SSPN: variants seen among roughly 807,000 people sequenced by gnomAD.
The protein encoded by SSPN is sarcospan, also known as K-ras oncogene-associated protein.
Under a neutral mutation model 19.1 loss-of-function variants are expected in SSPN, and 15 were observed. The ratio of observed to expected loss-of-function variants is 0.78; its 90% confidence interval spans 0.52 to 1.21. The LOEUF is 1.21. SSPN is among the 50% of genes most tolerant of loss of function. The pLI, the probability that SSPN is intolerant of heterozygous loss-of-function variation, is 0.00. For synonymous variants in SSPN, 147 were observed against 140.3 expected (o/e 1.05, Z -0.34); for missense variants, 291 against 314.0 (o/e 0.93, Z 0.55).
chr12:26,195,641 G>GCTGCCCC lies in SSPN; in HGVS notation c.-31_-30insTGCCCCC. 4 of 1,105,372 alleles carry GCTGCCCC rather than the reference G, an allele frequency of 3.6e-6. No individual in the cohort carries two copies. Among genetic ancestry groups the GCTGCCCC allele is most frequent in the Non-Finnish European group, 3.4e-6 (3 of 878,092 alleles). The allele number at this position is 1,105,372 out of a possible 1,614,324, so 68.5% of individuals were successfully genotyped here. A position where few individuals can be genotyped will look rare whatever the true frequency, so the allele number is the denominator to read the frequency against. On this transcript the variant is annotated 5_prime_UTR_variant, in exon 1 of 3. Transcript: ENST00000242729. Reference sequence around the variant, plus strand: ...CTCCAGGGCCCAGGGCGCCGCACACGCACCCACCCACCCACCCAGCCTCGC... The same window carrying GCTGCCCC: ...CTCCAGGGCCCAGGGCGCCGCACACGCTGCCCCCACCCACCCACCCACCCAGCCTCGC...
At chr12:26,123,879 CA>C (rs1480336963) in intron 1 of SSPN, 1 of 775,300 alleles carries the variant, frequency 1.3e-6, no homozygotes, top group Non-Finnish European at 2.3e-6. Context: ...GAGCTTTCCA[CA>C]AGACAGGTTA....
intron 1 of SSPN, among the ~76,000 whole-genome samples, chr12:26,140,320 A>T (rs1212561346): frequency 1.3e-5 from 2 of 152,162 alleles, no homozygotes; most frequent in African/African-American, 4.8e-5. Flanking sequence ...GATTTTAAGG[A>T]TCATCCTTTG....
At chr12:26,220,195 A>T (rs1565692507) in intron 1 of SSPN, among the ~76,000 whole-genome samples, 1 of 151,182 alleles carries the variant, frequency 6.6e-6, no homozygotes, top group Non-Finnish European at 1.5e-5. Flanking sequence ...TACACTGAAC[A>T]TCAATAAACT....
intron 1 of SSPN, among the ~76,000 whole-genome samples, chr12:26,156,960 G>C (rs1944559442): frequency 6.6e-6 from 1 of 152,206 alleles, no homozygotes; most frequent in South Asian, 2.1e-4. Flanking sequence ...GTGGAACACT[G>C]TACCATTTTC....
intron 1 of SSPN, chr12:26,122,171 G>GT (rs1944312340): frequency 6.6e-7 from 1 of 1,508,296 alleles, no homozygotes; most frequent in Non-Finnish European, 8.9e-7. Context: ...GGCCGTGCGG[G>GT]TGCTGGGGGT....
chr12:26,193,641 GT>G (rs1176344407), upstream of SSPN, among the ~76,000 whole-genome samples: 1 of 152,174 alleles, frequency 6.6e-6, no homozygotes, highest in East Asian at 1.9e-4. Flanking sequence ...TATAACGCCA[GT>G]TTTTATTTGT....
intron 1 of SSPN, chr12:26,124,229 A>G (rs1394557607): frequency 2.5e-6 from 3 of 1,223,318 alleles, no homozygotes; most frequent in Non-Finnish European, 3.6e-6. Context: ...CGAAACATTC[A>G]CTTATTGGAT....
intron 1 of SSPN, among the ~76,000 whole-genome samples, chr12:26,189,357 A>G (rs566314379): frequency 3.2e-4 from 49 of 152,324 alleles, no homozygotes; most frequent in Middle Eastern, 6.8e-3. Flanking sequence ...AAGAAAAAAT[A>G]CTGATCCTAC....
chr12:26,175,217 C>T (rs1367284573), intron 1 of SSPN, among the ~76,000 whole-genome samples: 1 of 152,230 alleles, frequency 6.6e-6, no homozygotes, highest in Non-Finnish European at 1.5e-5. Context: ...TTGAAATGCC[C>T]AGTCTTTTCA....
At chr12:26,175,254 G>A (rs755356376) in intron 1 of SSPN, among the ~76,000 whole-genome samples, 1 of 152,150 alleles carries the variant, frequency 6.6e-6, no homozygotes, top group African/African-American at 2.4e-5. Context: ...TACCTATGAA[G>A]TGACACCTCG....
At chr12:26,204,846 G>A (rs937514379) in intron 1 of SSPN, among the ~76,000 whole-genome samples, 1 of 152,188 alleles carries the variant, frequency 6.6e-6, no homozygotes, top group Admixed American at 6.5e-5. Flanking sequence ...AAAACATGCA[G>A]CCTTTCATAA....
chr12:26,217,851 AC>A (rs1242093416), intron 1 of SSPN, among the ~76,000 whole-genome samples: 3 of 152,200 alleles, frequency 2.0e-5, no homozygotes, highest in Non-Finnish European at 4.4e-5. Context: ...AGAAATAGGA[AC>A]TTTTACACTG....
chr12:26,192,728 T>C (rs1365068578), upstream of SSPN, among the ~76,000 whole-genome samples: 2 of 152,362 alleles, frequency 1.3e-5, no homozygotes, highest in Middle Eastern at 3.4e-3. Context: ...GTAATCAGAC[T>C]AGAAGAATTT....
rs143635642 is a variant in SSPN at position 26,162,844 on chromosome 12, C to G, written c.-31+40692C>G. Among the ~76,000 whole-genome samples the G allele has an allele frequency of 2.4e-4, 36 of 152,146 alleles. 1 individual carries two copies. In the East Asian group the frequency reaches 6.2e-3, roughly 26 times the overall value. On this transcript the variant is annotated intron_variant, in intron 1 of 2. Coordinates refer to the SSPN transcript ENST00000538142. The stretch of plus-strand genomic sequence containing the variant: ...GAGAAATCCCATTAAGATACAACTT[C>G]GAAACAATCTGAAAGCTTGGGAAGA...
chr12:26,133,481 A>G (rs1046689387), intron 1 of SSPN, among the ~76,000 whole-genome samples: 1 of 152,234 alleles, frequency 6.6e-6, no homozygotes, highest in African/African-American at 2.4e-5. Context: ...TCTAGTAAGG[A>G]AGATAAAAAC....
intron 1 of SSPN, among the ~76,000 whole-genome samples, chr12:26,183,430 A>G (rs1400481243): frequency 6.6e-6 from 1 of 152,228 alleles, no homozygotes. Context: ...TTCCCTTTAA[A>G]AAATTTTATC....
intron 1 of SSPN, chr12:26,123,217 A>G: frequency 6.6e-7 from 1 of 1,526,696 alleles, no homozygotes. Context: ...TGGAGGCAAG[A>G]AGAAACATAC....
intron 1 of SSPN, chr12:26,124,863 G>C (rs142388272): frequency 4.4e-6 from 6 of 1,360,056 alleles, no homozygotes; most frequent in Middle Eastern, 1.8e-4. Flanking sequence ...GGAGACCTTG[G>C]GGGGATCTGT....
Position 26,231,119 on chromosome 12 carries a change from G to A in SSPN, c.*43G>A. On this transcript the variant is annotated 3_prime_UTR_variant, in exon 3 of 3. Coordinates refer to ENST00000242729, the MANE Select transcript of SSPN (RefSeq NM_005086.5). ...GCGAGAGAAAGTAGCACATGGAGTA[G>A]CTGAGGTTAAACAAACAAAAAAAAA... 1 of 1,539,744 alleles carries A rather than the reference G, an allele frequency of 6.5e-7. No individual in the cohort carries two copies. The highest frequency in any genetic ancestry group is 2.3e-5 in the East Asian group (1 of 44,048).
Sources: allele counts gnomAD v4.1 joint callset (sites outside exome capture counted in the v4.1 genomes callset), GRCh38; gene constraint gnomAD v4.1.1; transcripts MANE v1.5; gene names NCBI Gene and HGNC (gene_info 2026-07-23, HGNC 2026-07-21).